Variants in CRYBG3 observed in about 807,000 individuals in gnomAD.
CRYBG3 encodes the protein crystallin beta-gamma domain containing 3.
A neutral mutation model predicts 244.2 loss-of-function variants in CRYBG3; 127 were observed. The ratio of observed to expected loss-of-function variants is 0.52; its 90% confidence interval spans 0.45 to 0.60. The LOEUF (loss-of-function observed/expected upper bound fraction) is 0.60. CRYBG3 is among the 20% of genes least tolerant of loss of function. The pLI, the probability that CRYBG3 is intolerant of heterozygous loss-of-function variation, is 0.00. For synonymous variants in CRYBG3, 1,132 were observed against 1,195.8 expected (o/e 0.95, Z 1.10); for missense variants, 3,325 against 3,442.5 (o/e 0.97, Z 0.85).
At chr3:97,841,025 A>G (rs887629611) in intron 1 of CRYBG3, among the ~76,000 whole-genome samples, 2 of 152,018 alleles carry the variant, frequency 1.3e-5, no homozygotes, top group African/African-American at 2.4e-5. Context: ...AAAAGAGATA[A>G]GAATTTATTC....
chr3:97,832,121 G>T (rs1016172264), intron 1 of CRYBG3, among the ~76,000 whole-genome samples: 1 of 151,194 alleles, frequency 6.6e-6, no homozygotes, highest in Non-Finnish European at 1.5e-5. Context: ...TGTGAAAATG[G>T]CCATACTGAC....
Position 97,877,668 on chromosome 3 carries a change from G to A in CRYBG3, c.6474G>A (p.Leu2158=). The change falls in exon 4 of 22, where the codon TTG becomes TTA. Residue 2158 remains leucine, a synonymous_variant. Coordinates refer to ENST00000389622, the MANE Select transcript of CRYBG3 (RefSeq NM_153605.4). ...EEEEEEEAAV[L]HKGDLRAGSG... The stretch of plus-strand genomic sequence containing the variant: ...AAGAGGAGGAGGAGGCAGCAGTATT[G>A]CATAAAGGAGATCTGAGAGCTGGAA... 1 of 1,614,106 alleles carries A rather than the reference G, an allele frequency of 6.2e-7. No individual in the cohort carries two copies. Among genetic ancestry groups the A allele is most frequent in the South Asian group, 1.1e-5 (1 of 91,078 alleles).
intron 17 of CRYBG3, among the ~76,000 whole-genome samples, chr3:97,928,050 T>G (rs796084030): frequency 3.3e-5 from 5 of 152,154 alleles, no homozygotes; most frequent in African/African-American, 1.2e-4. Context: ...CATTACTGGG[T>G]ATATACTCAA....
Position 97,822,026 on chromosome 3 carries a change from C to CGG in CRYBG3, c.-180_-179insGG, listed in dbSNP as rs753565843. ...CAGCCGCAGCGGCGTGAGGAGCTGC[C>CGG]GCGCGAGGAGCGCGTCGCGTCCGCA... On this transcript the variant is annotated 5_prime_UTR_variant, in exon 1 of 22. Transcript: ENST00000389622. 38 of 440,284 alleles carry CGG rather than the reference C, an allele frequency of 8.6e-5. No individual in the cohort carries two copies. Among genetic ancestry groups the CGG allele is most frequent in the Non-Finnish European group, 1.4e-4 (37 of 263,386 alleles). The allele number at this position is 440,284 out of a possible 1,614,324, so 27.3% of individuals were successfully genotyped here.
chr3:97,906,384 A>G (rs2039775160), intron 15 of CRYBG3, among the ~76,000 whole-genome samples: 2 of 105,782 alleles, frequency 1.9e-5, no homozygotes, highest in Admixed American at 2.2e-4. Flanking sequence ...TGAGCATGGA[A>G]TGTTCTTCCA....
chr3:97,902,444 T>G (rs1226260483), intron 15 of CRYBG3, among the ~76,000 whole-genome samples: 1 of 152,090 alleles, frequency 6.6e-6, no homozygotes, highest in African/African-American at 2.4e-5. Context: ...TTTTTTGTTT[T>G]GGGATTAGGA....
intron 18 of CRYBG3, among the ~76,000 whole-genome samples, chr3:97,935,946 C>T (rs746778663): frequency 1.7e-4 from 26 of 152,114 alleles, no homozygotes; most frequent in Non-Finnish European, 3.2e-4. Flanking sequence ...GCACTGTGTA[C>T]ACTGACCTTG....
At chr3:97,938,350 G>A (rs1385884176) in intron 19 of CRYBG3, among the ~76,000 whole-genome samples, 3 of 151,964 alleles carry the variant, frequency 2.0e-5, no homozygotes, top group Non-Finnish European at 4.4e-5. Context: ...CTTTCCATCA[G>A]CCTAAGATCA....
intron 1 of CRYBG3, among the ~76,000 whole-genome samples, chr3:97,827,310 A>G (rs934467258): frequency 1.3e-5 from 2 of 152,214 alleles, no homozygotes; most frequent in African/African-American, 4.8e-5. Context: ...CTTATTAGTA[A>G]CATTCAGCTA....
chr3:97,909,944 GT>G (rs1393126094), intron 15 of CRYBG3, among the ~76,000 whole-genome samples: 1 of 149,870 alleles, frequency 6.7e-6, no homozygotes, highest in Admixed American at 6.6e-5. Flanking sequence ...TGTCCTTTCT[GT>G]TTGTTAGTTT....
chr3:97,889,357 TG>T lies in CRYBG3; in HGVS notation c.7409del (p.Gly2470AspfsTer2). ...MKSLHPLQMG[G>X]LKVEMPMNLK... ...TTAAACTATCTTGTCATCTTAAGGG[TG>T]GACTGAAAGTGGAAATGCCCATGAA... On this transcript the variant is annotated frameshift_variant, in exon 10 of 22. Coordinates refer to ENST00000389622, the MANE Select transcript of CRYBG3 (RefSeq NM_153605.4). LOFTEE classifies it high-confidence loss of function. 1 of 1,606,348 alleles carries T rather than the reference TG, an allele frequency of 6.2e-7. No individual in the cohort carries two copies. Among genetic ancestry groups the T allele is most frequent in the Non-Finnish European group, 8.5e-7 (1 of 1,173,226 alleles).
chr3:97,845,832 G>A (rs2038892873), intron 2 of CRYBG3, among the ~76,000 whole-genome samples: 2 of 152,116 alleles, frequency 1.3e-5, no homozygotes, highest in Non-Finnish European at 2.9e-5. Flanking sequence ...TAAAAACAAT[G>A]TTTTTGTTTT....
At chr3:97,836,452 G>C (rs1249257368) in intron 1 of CRYBG3, among the ~76,000 whole-genome samples, 1 of 152,076 alleles carries the variant, frequency 6.6e-6, no homozygotes, top group Non-Finnish European at 1.5e-5. Flanking sequence ...CAGTTTTCCA[G>C]ATGGTGGTTT....
At chr3:97,838,903 G>A (rs989316925) in intron 1 of CRYBG3, among the ~76,000 whole-genome samples, 10 of 151,948 alleles carry the variant, frequency 6.6e-5, no homozygotes, top group African/African-American at 1.9e-4. Flanking sequence ...AGGCTAAATG[G>A]CTGTATGTTG....
Position 97,877,952 on chromosome 3 carries a change from C to T in CRYBG3, c.6758C>T (p.Ala2253Val), listed in dbSNP as rs767756346. ...CAAAGTCATTCCTCAGAAAAAGGAGCCAGATTTGGTGGAATTTTTCAGGAA... is the reference window on the plus strand; with the variant it reads ...CAAAGTCATTCCTCAGAAAAAGGAGTCAGATTTGGTGGAATTTTTCAGGAA... ...TSQSHSSEKGARFGGIFQEPV... is the reference protein window; with the variant it reads ...TSQSHSSEKGVRFGGIFQEPV... The change falls in exon 4 of 22, where the codon GCC (alanine) becomes GTC (valine). Residue 2253 changes from alanine to valine, a missense_variant. Transcript: ENST00000389622. 3.7e-6 allele frequency: 6 copies of T among 1,613,904 alleles called. No individual in the cohort carries two copies. The highest frequency in any genetic ancestry group is 5.1e-6 in the Non-Finnish European group (6 of 1,179,972).
At chr3:97,832,227 CAAAA>C (rs34688264) in intron 1 of CRYBG3, among the ~76,000 whole-genome samples, 4 of 81,808 alleles carry the variant, frequency 4.9e-5, no homozygotes, top group Non-Finnish European at 1.1e-4. Flanking sequence ...CATGTGGAAC[CAAAA>C]AAAAAAAAAA....
Position 97,875,400 on chromosome 3 carries a change from A to G in CRYBG3, c.4206A>G (p.Gln1402=), listed in dbSNP as rs1293353102. ...AGGGAGGAGAAATTGTTCTCTACCA[A>G]AAATCCCTATTTTCTGGAAATGGAT... ...SIKGGEIVLY[Q]KSLFSGNGSG... The change falls in exon 4 of 22, where the codon CAA becomes CAG. Residue 1402 remains glutamine (Q), a synonymous_variant. Coordinates refer to ENST00000389622, the MANE Select transcript of CRYBG3 (RefSeq NM_153605.4). The G allele has an allele frequency of 7.1e-7, 1 of 1,408,530 alleles. No individual in the cohort carries two copies. Among genetic ancestry groups the G allele is most frequent in the Non-Finnish European group, 9.2e-7 (1 of 1,089,790 alleles). 87.3% of individuals were successfully genotyped at this position (1,408,530 alleles called of 1,614,324 possible). A position where few individuals can be genotyped will look rare whatever the true frequency, so the allele number is the denominator to read the frequency against.
intron 14 of CRYBG3, among the ~76,000 whole-genome samples, chr3:97,899,597 TTAATGA>T (rs1448215222): frequency 1.3e-5 from 2 of 152,296 alleles, no homozygotes; most frequent in East Asian, 3.9e-4. Context: ...GTATGGACAA[TTAATGA>T]TAGTATGATT....
In CRYBG3 at chr3:97,822,366, A is replaced by C; in HGVS notation, c.149+11A>C. The C allele has an allele frequency of 2.7e-6, 4 of 1,492,040 alleles. No homozygotes were observed. Among genetic ancestry groups the C allele is most frequent in the Non-Finnish European group, 3.6e-6 (4 of 1,123,722 alleles). The allele number at this position is 1,492,040 out of a possible 1,614,324, so 92.4% of individuals were successfully genotyped here. ...CCGGTCCGCTGCCAGGTGGGAGTCG[A>C]GGAGGGGGTCGCGGGGGGGCCCTGC... On this transcript the variant is annotated intron_variant, in intron 1 of 21. Transcript: ENST00000389622.
Sources: allele counts gnomAD v4.1 joint callset (sites outside exome capture counted in the v4.1 genomes callset), GRCh38; gene constraint gnomAD v4.1.1; transcripts MANE v1.5; gene names NCBI Gene and HGNC (gene_info 2026-07-23, HGNC 2026-07-21).